Variants in ZNF713 observed in about 807,000 individuals in gnomAD.
ZNF713 encodes zinc finger protein 713.
ZNF713 carries 21 observed loss-of-function variants against 28.7 expected under a neutral mutation model. The observed-to-expected ratio is 0.73, with a 90% CI of 0.52 to 1.05. ZNF713 has a LOEUF of 1.05. Among genes scored for constraint, ZNF713 ranks in the 50% least tolerant of loss-of-function variants. The pLI is 0.00. For synonymous variants in ZNF713, 167 were observed against 178.0 expected, an observed-to-expected ratio of 0.94 and a Z score of 0.49; for missense variants, 458 against 532.4, an observed-to-expected ratio of 0.86 and a Z score of 1.37.
chr7:55,888,916 T>C (rs1363781126), intron 1 of ZNF713, among the ~76,000 whole-genome samples: 3 of 151,590 alleles, frequency 2.0e-5, no homozygotes, highest in Non-Finnish European at 4.4e-5. Flanking sequence ...CCGGACTTGG[T>C]GGTGTGTGCC....
At chr7:55,900,644 A>G (rs1785559427) in intron 1 of ZNF713, among the ~76,000 whole-genome samples, 1 of 152,152 alleles carries the variant, frequency 6.6e-6, no homozygotes, top group Non-Finnish European at 1.5e-5. Context: ...GACTCTAAAA[A>G]TGTTGAACTT....
At chr7:55,916,954 C>A (rs1785890962) in intron 4 of ZNF713, among the ~76,000 whole-genome samples, 1 of 152,298 alleles carries the variant, frequency 6.6e-6, no homozygotes, top group African/African-American at 2.4e-5. Context: ...GTGGCTCACA[C>A]CTGTAATCCC....
chr7:55,905,192 A>G (rs953934266), intron 1 of ZNF713, among the ~76,000 whole-genome samples: 1 of 152,208 alleles, frequency 6.6e-6, no homozygotes, highest in Non-Finnish European at 1.5e-5. Flanking sequence ...TGAAGAAGTC[A>G]AGGAAATGAA....
rs1467391281 is a variant in ZNF713 at position 55,939,729 on chromosome 7, G to A, written c.1055G>A (p.Ser352Asn). The change falls in exon 7 of 7, where the codon AGC (serine) becomes AAC (asparagine). Residue 352 changes from serine to asparagine, a missense_variant. By Grantham distance (46) the Ser-to-Asn change is conservative. Coordinates refer to ENST00000429591, the MANE Select transcript of ZNF713 (RefSeq NM_182633.3). ...YKCNQCGKAF[S>N]RITSLTEHHR... The stretch of plus-strand genomic sequence containing the variant: ...TGTAATCAATGTGGTAAAGCTTTTA[G>A]CCGCATCACATCCCTTACTGAACAT... The A allele has an allele frequency of 1.2e-6, 2 of 1,614,146 alleles. No homozygotes were observed. Among genetic ancestry groups the A allele is most frequent in the Non-Finnish European group, 8.5e-7 (1 of 1,180,014 alleles).
intron 2 of ZNF713, among the ~76,000 whole-genome samples, chr7:55,908,288 A>G (rs1013522155): frequency 1.3e-5 from 2 of 151,816 alleles, no homozygotes; most frequent in African/African-American, 4.8e-5. Context: ...GATTACAGGC[A>G]TGCACCGCCG....
Position 55,941,509 on chromosome 7 carries a change from C to T in ZNF713, c.*1503C>T, listed in dbSNP as rs777985909. 6.6e-6 allele frequency: 1 copy of T among 150,598 alleles called. No homozygotes were observed. The highest frequency in any genetic ancestry group is 2.4e-5 in the African/African-American group (1 of 40,976). The allele number at this position is 150,598 out of a possible 1,614,324, so 9.3% of individuals were successfully genotyped here. A position where few individuals can be genotyped will look rare whatever the true frequency, so the allele number is the denominator to read the frequency against. ...AAGGCGATGCTGTAGTGCAGCCAGT[C>T]ACATTAACTTGAAATAAACATAAAA... On this transcript the variant is annotated 3_prime_UTR_variant, in exon 7 of 7. Coordinates refer to ENST00000429591, the MANE Select transcript of ZNF713 (RefSeq NM_182633.3).
At chr7:55,908,800 G>A (rs576088113) in intron 2 of ZNF713, among the ~76,000 whole-genome samples, 2 of 152,008 alleles carry the variant, frequency 1.3e-5, no homozygotes, top group South Asian at 2.1e-4. Context: ...TCTTTGCCTG[G>A]GCCAATGTCC....
intron 6 of ZNF713, among the ~76,000 whole-genome samples, chr7:55,932,841 G>A (rs1288815724): frequency 1.7e-5 from 2 of 119,778 alleles, no homozygotes; most frequent in African/African-American, 6.5e-5. Context: ...CCGAGATTGC[G>A]CCACTGCAGT....
chr7:55,890,618 C>T (rs1785364613), intron 1 of ZNF713, among the ~76,000 whole-genome samples: 1 of 152,108 alleles, frequency 6.6e-6, no homozygotes. Flanking sequence ...AAGATTAAAA[C>T]TGCCTCAATT....
At chr7:55,901,028 A>C (rs1233856871) in intron 1 of ZNF713, among the ~76,000 whole-genome samples, 2 of 152,230 alleles carry the variant, frequency 1.3e-5, no homozygotes, top group Admixed American at 6.5e-5. Context: ...TGTTTTCACC[A>C]CAAATAATTT....
At chr7:55,920,189 A>G (rs1785968915) in intron 4 of ZNF713, among the ~76,000 whole-genome samples, 1 of 152,228 alleles carries the variant, frequency 6.6e-6, no homozygotes, top group Non-Finnish European at 1.5e-5. Flanking sequence ...GAGCAAAGAA[A>G]GTGGTTTCTT....
chr7:55,928,387 T>G (rs535107105), intron 6 of ZNF713, among the ~76,000 whole-genome samples: 1 of 152,222 alleles, frequency 6.6e-6, no homozygotes, highest in South Asian at 2.1e-4. Flanking sequence ...TTGACAAGTC[T>G]AGGAAGTGAC....
At chr7:55,919,490 G>GTTTTTTTTTTTTTTTTTTTTTTTTTTTT (rs55656709) in intron 4 of ZNF713, among the ~76,000 whole-genome samples, 26 of 66,760 alleles carry the variant, frequency 3.9e-4, no homozygotes, top group South Asian at 1.0e-3. Flanking sequence ...AAACACTCCA[G>GTTTTTTTTTTTTTTTTTTTTTTTTTTTT]TTTTTTTTTT....
intron 1 of ZNF713, among the ~76,000 whole-genome samples, chr7:55,890,048 G>A (rs866280073): frequency 3.4e-4 from 51 of 152,146 alleles, no homozygotes; most frequent in Non-Finnish European, 4.4e-5. Flanking sequence ...ATCTCTCTGT[G>A]TCCTCTTCTG....
chr7:55,911,748 C>G lies in ZNF713; in HGVS notation c.-323C>G, dbSNP rs1785788572. 1 of 152,124 alleles carries G rather than the reference C, an allele frequency of 6.6e-6. No homozygotes were observed. The highest frequency in any genetic ancestry group is 1.5e-5 in the Non-Finnish European group (1 of 68,028). 9.4% of individuals were successfully genotyped at this position (152,124 alleles called of 1,614,324 possible). On this transcript the variant is annotated 5_prime_UTR_variant, in exon 3 of 7. Transcript: ENST00000429591. The stretch of plus-strand genomic sequence containing the variant: ...AAGGTAATAACAACCTTCAAGAGCC[C>G]CTTCATCTCAACTCGGCATAAACAA...
At chr7:55,936,752 G>C (rs930183910) in intron 6 of ZNF713, among the ~76,000 whole-genome samples, 1 of 152,146 alleles carries the variant, frequency 6.6e-6, no homozygotes, top group African/African-American at 2.4e-5. Flanking sequence ...CTGTGGGTCA[G>C]CCAGCATGGT....
chr7:55,894,647 A>G (rs914164393), intron 1 of ZNF713, among the ~76,000 whole-genome samples: 6 of 152,186 alleles, frequency 3.9e-5, no homozygotes, highest in African/African-American at 9.7e-5. Context: ...CACTTTTCCT[A>G]AGGAACTAAT....
chr7:55,895,046 T>G (rs1286852804), intron 1 of ZNF713, among the ~76,000 whole-genome samples: 4 of 152,240 alleles, frequency 2.6e-5, no homozygotes, highest in African/African-American at 9.6e-5. Context: ...AAATTTGTGT[T>G]TTAATATTTG....
chr7:55,890,795 G>C (rs1562733247), intron 1 of ZNF713, among the ~76,000 whole-genome samples: 2 of 152,078 alleles, frequency 1.3e-5, no homozygotes, highest in Non-Finnish European at 2.9e-5. Context: ...CGAGGTGGAT[G>C]GATCATCTGA....
Sources: allele counts gnomAD v4.1 joint callset (sites outside exome capture counted in the v4.1 genomes callset), GRCh38; gene constraint gnomAD v4.1.1; transcripts MANE v1.5; gene names NCBI Gene and HGNC (gene_info 2026-07-23, HGNC 2026-07-21).